The following POLA1 variants were observed in gnomAD, a reference collection of about 807,000 sequenced individuals.
POLA1 encodes the protein DNA polymerase alpha 1, catalytic subunit.
A neutral mutation model predicts 124.0 loss-of-function variants in POLA1; 15 were observed. That is an observed-to-expected ratio of 0.12 (90% CI 0.08 to 0.19). POLA1 has a LOEUF of 0.19. Among genes scored for constraint, POLA1 ranks in the 10% least tolerant of loss-of-function variants. The probability of loss-of-function intolerance (pLI) is 1.00; values close to 1 mark genes in which losing one functional copy is unlikely to be tolerated. For missense variants in POLA1, 886 were observed against 1,103.4 expected (o/e 0.80, Z 2.79); for synonymous variants, 408 against 389.4 (o/e 1.05, Z -0.56).
intron 35 of POLA1, among the ~76,000 whole-genome samples, chrX:24,924,084 G>T (rs1216100028): frequency 8.9e-6 from 1 of 111,934 alleles, no homozygotes; most frequent in African/African-American, 3.2e-5. Flanking sequence ...GTTTAGACAT[G>T]TTCCTTAGAC....
chrX:24,721,835 A>G (rs1400134179), intron 10 of POLA1, among the ~76,000 whole-genome samples: 1 of 111,852 alleles, frequency 8.9e-6, no homozygotes, highest in African/African-American at 3.2e-5. Flanking sequence ...GAATCTTTGA[A>G]TCCAATATTA....
chrX:24,877,842 ATGGATTTCTTCTCTTC>A (rs2147122909), intron 34 of POLA1, among the ~76,000 whole-genome samples: 1 of 110,961 alleles, frequency 9.0e-6, no homozygotes, highest in South Asian at 3.8e-4. Context: ...CAAAGGTTAG[ATGGATTTCTTCTCTTC>A]TGAATCTGGC....
At chrX:24,709,860 C>T (rs1166715225) in intron 4 of POLA1, among the ~76,000 whole-genome samples, 2 of 62,997 alleles carry the variant, frequency 3.2e-5, no homozygotes, top group Non-Finnish European at 6.0e-5. Context: ...CTCCTCACTT[C>T]CTAGATGGGA....
At position 24,906,739 on chromosome X, in the gene POLA1, A is replaced by G. The variant is rs73207274; in HGVS notation, c.4164+18617A>G. On this transcript the variant is annotated intron_variant, in intron 35 of 36. Transcript: ENST00000379068. ...ATAATGGTCTCCACCCTCCTGGGGG[A>G]AAAAAAAAAGAAATAGAAGATGTAA... 8.9e-3 allele frequency among the ~76,000 whole-genome samples: 964 copies of G among 108,365 alleles called. 5 individuals carry two copies. The highest frequency in any genetic ancestry group is 0.014 in the Non-Finnish European group (704 of 51,617). 94.1% of individuals were successfully genotyped at this position (108,365 alleles called of 115,157 possible).
At chrX:24,798,495 T>C (rs1368954572) in intron 26 of POLA1, among the ~76,000 whole-genome samples, 1 of 111,429 alleles carries the variant, frequency 9.0e-6, no homozygotes, top group East Asian at 2.8e-4. Context: ...TATTTTATCT[T>C]CCTTATAATT....
chrX:24,810,603 A>G (rs984144528), intron 27 of POLA1, 105 bp from the exon 28 acceptor site: 1 of 384,333 alleles, frequency 2.6e-6, no homozygotes, highest in African/African-American at 2.7e-5. Flanking sequence ...ACTTTTGAAA[A>G]GTCTGTGGAG....
At chrX:24,913,130 C>G (rs1027206493) in intron 35 of POLA1, among the ~76,000 whole-genome samples, 15 of 112,227 alleles carry the variant, frequency 1.3e-4, no homozygotes, top group South Asian at 7.4e-4. Context: ...AACTGTAGTA[C>G]TTTCCTACCA....
At chrX:24,907,623 T>A (rs1483210579) in intron 35 of POLA1, among the ~76,000 whole-genome samples, 1 of 111,908 alleles carries the variant, frequency 8.9e-6, no homozygotes, top group Admixed American at 9.5e-5. Context: ...AATTTCTATG[T>A]CCAGCAAAAA....
chrX:24,977,964 G>C lies in POLA1; in HGVS notation c.4262-17841G>C, dbSNP rs758686314. On this transcript the variant is annotated intron_variant, in intron 36 of 36. Coordinates refer to ENST00000379068, the MANE Select transcript of POLA1 (RefSeq NM_001330360.2). The stretch of plus-strand genomic sequence containing the variant: ...GTCTTCACTCATACTTCCAGAGATA[G>C]CTTGGGGCACCAATTCATGAGCCTT... Among the ~76,000 whole-genome samples, 9 of 111,632 alleles carry C rather than the reference G, an allele frequency of 8.1e-5. No individual in the cohort carries two copies. In the South Asian group the frequency reaches 3.0e-3, roughly 38 times the overall value.
chrX:24,717,262 T>G (rs373032106), intron 8 of POLA1, 28 bp from the exon 9 acceptor site: 1 of 1,175,419 alleles, frequency 8.5e-7, no homozygotes, highest in Non-Finnish European at 1.2e-6. Context: ...CAATAACACA[T>G]GACAAGAATG....
At position 24,815,026 on chromosome X, in the gene POLA1, T is replaced by A. The variant is rs774377505; in HGVS notation, c.3344T>A (p.Val1115Glu). The A allele has an allele frequency of 8.4e-7, 1 of 1,192,822 alleles. No homozygotes were observed. Among genetic ancestry groups the A allele is most frequent in the East Asian group, 3.0e-5 (1 of 33,424 alleles). The change falls in exon 30 of 37, where the codon GTG (valine) becomes GAG (glutamate). Residue 1115 changes from valine (V) to glutamate (E), a missense_variant. Val to Glu is a moderately radical substitution (Grantham distance 121). Around this residue, in one of 7 missense-constraint regions of POLA1, gnomAD observed 313 missense variants for 359.7 expected, o/e 0.87. Coordinates refer to ENST00000379068, the MANE Select transcript of POLA1 (RefSeq NM_001330360.2). ...ILSDQSRDTI[V>E]ENIQKRLIEI... ...TCTGATCAAAGCCGGGACACTATAG[T>A]GGAAAACATTCAGAAGAGGCTGATA...
intron 4 of POLA1, among the ~76,000 whole-genome samples, chrX:24,711,231 G>A (rs187756105): frequency 3.6e-5 from 4 of 112,182 alleles, no homozygotes; most frequent in African/African-American, 6.5e-5. Context: ...CAGTCCGCCC[G>A]TTTTGCCCTG....
chrX:24,962,609 G>A (rs1018866269), intron 36 of POLA1, among the ~76,000 whole-genome samples: 3 of 111,745 alleles, frequency 2.7e-5, no homozygotes, highest in Non-Finnish European at 5.6e-5. Flanking sequence ...TAGAAGAGAG[G>A]AAACTAAGGC....
intron 34 of POLA1, among the ~76,000 whole-genome samples, chrX:24,859,659 A>C (rs2046691221): frequency 8.9e-6 from 1 of 112,479 alleles, no homozygotes; most frequent in East Asian, 2.8e-4. Flanking sequence ...CCTTGTGAAC[A>C]CAAGCTGTGC....
intron 35 of POLA1, among the ~76,000 whole-genome samples, chrX:24,889,814 G>C (rs946177048): frequency 9.0e-6 from 1 of 111,633 alleles, no homozygotes; most frequent in Admixed American, 9.5e-5. Context: ...TCCTGCTTCA[G>C]CCTCCTGAGT....
At chrX:24,976,926 G>T (rs780230112) in intron 36 of POLA1, among the ~76,000 whole-genome samples, 1 of 112,231 alleles carries the variant, frequency 8.9e-6, no homozygotes, top group Non-Finnish European at 1.9e-5. Flanking sequence ...GGCAGTTAGA[G>T]CATGATTCCG....
intron 1 of POLA1, among the ~76,000 whole-genome samples, chrX:24,699,019 T>A (rs1928224890): frequency 8.9e-6 from 1 of 111,993 alleles, no homozygotes; most frequent in Non-Finnish European, 1.9e-5. Context: ...CTTTTAGATA[T>A]TGATTGACAG....
chrX:24,717,648 A>G lies in POLA1; in HGVS notation c.977A>G (p.Gln326Arg), dbSNP rs150967644. 3.3e-6 allele frequency: 4 copies of G among 1,204,398 alleles called. No homozygotes were observed. The highest frequency in any genetic ancestry group is 3.4e-6 in the Non-Finnish European group (3 of 890,349). The change falls in exon 10 of 37, where the codon CAA becomes CGA. Residue 326 changes from glutamine (Q) to arginine (R), a missense_variant. By Grantham distance (43) the Gln-to-Arg change is conservative (BLOSUM62 1). Around this residue, in one of 7 missense-constraint regions of POLA1, gnomAD observed 337 missense variants for 402.8 expected, o/e 0.84. Coordinates refer to ENST00000379068, the MANE Select transcript of POLA1 (RefSeq NM_001330360.2). ...DQEGDSSFSV[Q>R]EVQVDSSHLP... is the part of the protein sequence containing the mutation. The stretch of plus-strand genomic sequence containing the variant: ...GAAGGTGATAGCAGTTTCTCAGTGC[A>G]AGAAGTTCAAGTGGATTCCAGTCAC...
chrX:24,791,489 G>A (rs1041614858), intron 26 of POLA1, among the ~76,000 whole-genome samples: 9 of 112,487 alleles, frequency 8.0e-5, no homozygotes, highest in African/African-American at 2.6e-4. Flanking sequence ...CGGTTCAAGC[G>A]ATTCTCCTGC....
Sources: allele counts gnomAD v4.1 joint callset (sites outside exome capture counted in the v4.1 genomes callset), GRCh38; gene constraint gnomAD v4.1.1; regional missense constraint gnomAD v4.1.1; transcripts MANE v1.5; gene names NCBI Gene and HGNC (gene_info 2026-07-23, HGNC 2026-07-21).